Variants in FLRT3 observed in about 807,000 individuals in gnomAD.
FLRT3 encodes leucine-rich repeat transmembrane protein FLRT3.
Under a neutral mutation model 42.6 loss-of-function variants are expected in FLRT3, and 17 were observed. The ratio of observed to expected loss-of-function variants is 0.40; its 90% confidence interval spans 0.27 to 0.60. FLRT3 has a LOEUF of 0.60. Among genes scored for constraint, FLRT3 ranks in the 20% least tolerant of loss-of-function variants. FLRT3 has a pLI of 0.44. For missense variants in FLRT3, 635 were observed against 789.2 expected (o/e 0.80, Z 2.34); for synonymous variants, 279 against 286.4 (o/e 0.97, Z 0.26).
In FLRT3 at chr20:14,326,863, C is replaced by A; in HGVS notation, c.644G>T (p.Gly215Val). ...VLDGNLLNNH[G>V]LGDKVFFNLV... ...GTTGAAGAAAACTTTGTCACCTAAA[C>A]CATGATTGTTCAACAGGTTTCCATC... The change falls in exon 3 of 3, where the codon GGT becomes GTT. Residue 215 changes from glycine (G) to valine (V), a missense_variant. Physicochemically the swap from Gly to Val is moderately radical, Grantham distance 109 (BLOSUM62 -3). Transcript: ENST00000341420. This position sits in a 1 kb window ranked among gnomAD's most constrained non-coding sequence, Gnocchi z 5.5. 6.2e-7 allele frequency: 1 copy of A among 1,613,722 alleles called. No individual in the cohort carries two copies. The highest frequency in any genetic ancestry group is 8.5e-7 in the Non-Finnish European group (1 of 1,179,786).
rs1298097948 is a variant in FLRT3, at chr20:14,327,500, T to A, written c.7A>T (p.Ser3Cys). The A allele has an allele frequency of 6.2e-7, 1 of 1,611,346 alleles. No homozygotes were observed. Among genetic ancestry groups the A allele is most frequent in the East Asian group, 2.2e-5 (1 of 44,826 alleles). ...ATGAGGAAGATGCTCCAGGCTGCGC[T>A]GATCATGGTCAGCAGTGTTGAGGTC... Reference protein sequence around the residue: MISAAWSIFLIGT... With the variant: MICAAWSIFLIGT... Residue 3 changes from serine to cysteine, a missense_variant, in exon 3 of 3, where the codon AGC becomes TGC. Transcript: ENST00000341420.
chr20:14,334,558 C>T (rs781774260), intron 1 of FLRT3, among the ~76,000 whole-genome samples: 13 of 151,282 alleles, frequency 8.6e-5, no homozygotes, highest in East Asian at 3.9e-4. Flanking sequence ...TTTCTGAAGC[C>T]GCAAGTCAGA....
chr20:14,328,058 A>G (rs1428393354), intron 2 of FLRT3, among the ~76,000 whole-genome samples: 1 of 152,046 alleles, frequency 6.6e-6, no homozygotes, highest in Non-Finnish European at 1.5e-5. Flanking sequence ...AATGTCATAA[A>G]AATACCTATT....
intron 1 of FLRT3, among the ~76,000 whole-genome samples, chr20:14,331,886 T>C (rs900257616): frequency 5.9e-5 from 9 of 152,232 alleles, no homozygotes; most frequent in African/African-American, 2.2e-4. Context: ...ATGGACACTG[T>C]GGCCAGGTTT....
intron 2 of FLRT3, 81 bp from the exon 3 acceptor site, chr20:14,327,639 C>A (rs1303706353): frequency 1.0e-6 from 1 of 992,002 alleles, no homozygotes; most frequent in African/African-American, 1.6e-5. Context: ...AATGTGGAAA[C>A]TAAAATATCC....
At chr20:14,332,346 G>C (rs1215308975) in intron 1 of FLRT3, among the ~76,000 whole-genome samples, 1 of 152,042 alleles carries the variant, frequency 6.6e-6, no homozygotes, top group Admixed American at 6.6e-5. Flanking sequence ...TAGAAAACTA[G>C]TATTTAAATA....
In FLRT3 at chr20:14,325,552, C is replaced by T. The variant is rs372670544; in HGVS notation, c.*5G>A. The stretch of plus-strand genomic sequence containing the variant: ...AAACACAAGTCTGCTGTGAGTCCTT[C>T]AGCATCATGAGTGTGAGTGATCTGA... On this transcript the variant is annotated 3_prime_UTR_variant, in exon 3 of 3. Coordinates refer to ENST00000341420, the MANE Select transcript of FLRT3 (RefSeq NM_198391.3). 101 of 1,602,612 alleles carry T rather than the reference C, an allele frequency of 6.3e-5. No homozygotes were observed. Among genetic ancestry groups the T allele is most frequent in the Non-Finnish European group, 8.3e-5 (98 of 1,173,720 alleles).
At chr20:14,333,253 A>T (rs1346580664) in intron 1 of FLRT3, among the ~76,000 whole-genome samples, 1 of 152,170 alleles carries the variant, frequency 6.6e-6, no homozygotes, top group Non-Finnish European at 1.5e-5. Context: ...TCCAATGCTA[A>T]GTATTTTTAC....
At chr20:14,327,686 G>T in intron 2 of FLRT3, 128 bp from the exon 3 acceptor site, 1 of 636,700 alleles carries the variant, frequency 1.6e-6, no homozygotes, top group Non-Finnish European at 2.5e-6. Context: ...TTTTGGGAGG[G>T]GGCATAATAG....
rs750734738 is a variant in FLRT3 at position 14,324,773 on chromosome 20, T to A, written c.*784A>T. 7 of 152,164 alleles carry A rather than the reference T, an allele frequency of 4.6e-5. No homozygotes were observed. Among genetic ancestry groups the A allele is most frequent in the Non-Finnish European group, 8.8e-5 (6 of 68,030 alleles). The allele number at this position is 152,164 out of a possible 1,614,324, so 9.4% of individuals were successfully genotyped here. ...ACTATACAAGTCTAAGTTTCCATGT[T>A]TTCCTAAGTACACATTTTCCCCCCA... On this transcript the variant is annotated 3_prime_UTR_variant, in exon 3 of 3. Transcript: ENST00000341420.
chr20:14,326,760 C>G lies in FLRT3; in HGVS notation c.747G>C (p.Leu249=). 1 of 1,613,772 alleles carries G rather than the reference C, an allele frequency of 6.2e-7. No individual in the cohort carries two copies. The highest frequency in any genetic ancestry group is 1.1e-5 in the South Asian group (1 of 91,086). The change falls in exon 3 of 3, where the codon CTG becomes CTC. Residue 249 remains leucine (L), a synonymous_variant. Coordinates refer to ENST00000341420, the MANE Select transcript of FLRT3 (RefSeq NM_198391.3). This position sits in a 1 kb window ranked among gnomAD's most constrained non-coding sequence, Gnocchi z 5.5. ...AAPVNLPGTN[L]RKLYLQDNHI... The stretch of plus-strand genomic sequence containing the variant: ...GGTTATCTTGAAGATAAAGCTTCCT[C>G]AGGTTTGTGCCTGGAAGGTTTACTG...
At chr20:14,329,594 C>T (rs1018322621) in intron 1 of FLRT3, among the ~76,000 whole-genome samples, 2 of 151,990 alleles carry the variant, frequency 1.3e-5, no homozygotes, top group Non-Finnish European at 2.9e-5. Context: ...CTTTCAAATT[C>T]AAGCCAGTCT....
At position 14,323,051 on chromosome 20, in the gene FLRT3, A is replaced by T. The variant is rs1243142285; in HGVS notation, c.*2506T>A. The T allele has an allele frequency of 3.9e-5, 6 of 152,130 alleles. No individual in the cohort carries two copies. Among genetic ancestry groups the T allele is most frequent in the Non-Finnish European group, 5.9e-5 (4 of 68,020 alleles). The allele number at this position is 152,130 out of a possible 1,614,324, so 9.4% of individuals were successfully genotyped here. ...ATCAACATAGAAGACTTGTCTTAACAAGTTTTGCCCCATACACCACGCAAG... is the reference window on the plus strand; with the variant it reads ...ATCAACATAGAAGACTTGTCTTAACTAGTTTTGCCCCATACACCACGCAAG... On this transcript the variant is annotated 3_prime_UTR_variant, in exon 3 of 3. Coordinates refer to ENST00000341420, the MANE Select transcript of FLRT3 (RefSeq NM_198391.3).
chr20:14,327,580 AAGAC>A, intron 2 of FLRT3, 22 bp from the exon 3 acceptor site: 1 of 1,474,886 alleles, frequency 6.8e-7, no homozygotes, highest in South Asian at 1.4e-5. Context: ...TGAGTAAAAA[AAGAC>A]AGAAAACAAT....
intron 1 of FLRT3, among the ~76,000 whole-genome samples, chr20:14,329,560 G>A (rs2122597477): frequency 6.6e-6 from 1 of 152,140 alleles, no homozygotes. Context: ...ATCTGATTGT[G>A]TCACTTTGAA....
In FLRT3 at chr20:14,326,428, A is replaced by G. The variant is rs759473524; in HGVS notation, c.1079T>C (p.Ile360Thr). Residue 360 changes from isoleucine to threonine, a missense_variant, in exon 3 of 3, where the codon ATT becomes ACT. Ile to Thr is a moderately conservative substitution (Grantham distance 89, BLOSUM62 -1). Transcript: ENST00000341420. This position sits in a 1 kb window ranked among gnomAD's most constrained non-coding sequence, Gnocchi z 5.5. ...AELFDCKDSGIVSTIQITTAI... is the reference protein window; with the variant it reads ...AELFDCKDSGTVSTIQITTAI... ...AGTGGTTATCTGAATGGTGCTTACA[A>G]TCCCACTGTCCTTACAATCAAACAG... 3 of 1,613,876 alleles carry G rather than the reference A, an allele frequency of 1.9e-6. No individual in the cohort carries two copies. Among genetic ancestry groups the G allele is most frequent in the South Asian group, 2.2e-5 (2 of 91,070 alleles).
chr20:14,326,451 C>T lies in FLRT3; in HGVS notation c.1056G>A (p.Leu352=). The change falls in exon 3 of 3, where the codon CTG becomes CTA. Residue 352 remains leucine (L), a synonymous_variant. Coordinates refer to ENST00000341420, the MANE Select transcript of FLRT3 (RefSeq NM_198391.3). This position sits in a 1 kb window ranked among gnomAD's most constrained non-coding sequence, Gnocchi z 5.5. ...CAATCCCACTGTCCTTACAATCAAACAGTTCTGCATTGAGATCCTTAATAG... is the reference window on the plus strand; with the variant it reads ...CAATCCCACTGTCCTTACAATCAAATAGTTCTGCATTGAGATCCTTAATAG... ...GMAIKDLNAE[L]FDCKDSGIVS... is the part of the protein sequence containing the mutation. 6.2e-7 allele frequency: 1 copy of T among 1,613,874 alleles called. No homozygotes were observed. Among genetic ancestry groups the T allele is most frequent in the South Asian group, 1.1e-5 (1 of 91,082 alleles).
Position 14,322,986 on chromosome 20 carries a change from C to CA in FLRT3, c.*2570dup, listed in dbSNP as rs1489501380. 6.6e-6 allele frequency: 1 copy of CA among 152,110 alleles called. No individual in the cohort carries two copies. Among genetic ancestry groups the CA allele is most frequent in the African/African-American group, 2.4e-5 (1 of 41,422 alleles). 9.4% of individuals were successfully genotyped at this position (152,110 alleles called of 1,614,324 possible). The stretch of plus-strand genomic sequence containing the variant: ...ATGCTCTGTGTGGAAAACACAAACT[C>CA]AAAGTGTGTATGTGTGTTTAATTCT... On this transcript the variant is annotated 3_prime_UTR_variant, in exon 3 of 3. Coordinates refer to ENST00000341420, the MANE Select transcript of FLRT3 (RefSeq NM_198391.3).
At chr20:14,328,306 G>A (rs952821580) in intron 2 of FLRT3, among the ~76,000 whole-genome samples, 2 of 152,152 alleles carry the variant, frequency 1.3e-5, no homozygotes, top group African/African-American at 2.4e-5. Context: ...ATTAAATTCT[G>A]TCTTTCTTCT....
Sources: allele counts gnomAD v4.1 joint callset (sites outside exome capture counted in the v4.1 genomes callset), GRCh38; gene constraint gnomAD v4.1.1; non-coding constraint Gnocchi (gnomAD v3.1); transcripts MANE v1.5; gene names NCBI Gene and HGNC (gene_info 2026-07-23, HGNC 2026-07-21).